Variants in HS3ST4 observed in about 807,000 individuals in gnomAD.
HS3ST4 encodes heparan sulfate-glucosamine 3-sulfotransferase 4, also known as heparan sulfate glucosamine 3-O-sulfotransferase 4.
A neutral mutation model predicts 29.2 loss-of-function variants in HS3ST4; 17 were observed. That is an observed-to-expected ratio of 0.58 (90% CI 0.40 to 0.87). The LOEUF is 0.87. Among genes scored for constraint, HS3ST4 ranks in the 40% least tolerant of loss-of-function variants. The probability of loss-of-function intolerance (pLI) is 0.00; values close to 1 mark genes in which losing one functional copy is unlikely to be tolerated. For synonymous variants in HS3ST4, 314 were observed against 285.7 expected (o/e 1.10, Z -1.00); for missense variants, 627 against 634.5 (o/e 0.99, Z 0.13).
At chr16:26,102,394 C>T (rs1899000448) in intron 1 of HS3ST4, among the ~76,000 whole-genome samples, 1 of 152,176 alleles carries the variant, frequency 6.6e-6, no homozygotes, top group Non-Finnish European at 1.5e-5. Context: ...TCCTTTCAAT[C>T]TTCCCCACTG....
At chr16:25,940,542 A>G (rs1274610923) in intron 1 of HS3ST4, among the ~76,000 whole-genome samples, 1 of 152,242 alleles carries the variant, frequency 6.6e-6, no homozygotes, top group Non-Finnish European at 1.5e-5. Context: ...CGTTCCAGCT[A>G]TGCTGAGAGC....
chr16:25,973,653 A>C (rs1474648395), intron 1 of HS3ST4, among the ~76,000 whole-genome samples: 2 of 152,184 alleles, frequency 1.3e-5, no homozygotes, highest in Admixed American at 6.5e-5. Context: ...CAATTTCCTC[A>C]TCTGAAAACG....
chr16:25,869,618 T>G (rs1317244910), intron 1 of HS3ST4, among the ~76,000 whole-genome samples: 5 of 152,132 alleles, frequency 3.3e-5, no homozygotes, highest in Non-Finnish European at 7.4e-5. Flanking sequence ...AAACCCACCA[T>G]TCAGCCACAG....
intron 1 of HS3ST4, among the ~76,000 whole-genome samples, chr16:25,958,480 A>G (rs1234849905): frequency 6.6e-6 from 1 of 151,954 alleles, no homozygotes; most frequent in Non-Finnish European, 1.5e-5. Flanking sequence ...ACAGGCGTGC[A>G]CCACCACACC....
chr16:26,021,559 G>C (rs1969413988), intron 1 of HS3ST4, among the ~76,000 whole-genome samples: 1 of 152,194 alleles, frequency 6.6e-6, no homozygotes, highest in African/African-American at 2.4e-5. Flanking sequence ...ACAGAGATGT[G>C]AGGCTGTGAG....
intron 1 of HS3ST4, among the ~76,000 whole-genome samples, chr16:25,990,317 T>C (rs555908780): frequency 2.6e-5 from 4 of 152,344 alleles, no homozygotes; most frequent in South Asian, 2.1e-4. Context: ...ATGATGAGCT[T>C]TGTGAGAAAC....
At chr16:25,927,040 C>T (rs1378284093) in intron 1 of HS3ST4, among the ~76,000 whole-genome samples, 2 of 151,122 alleles carry the variant, frequency 1.3e-5, no homozygotes, top group Non-Finnish European at 2.9e-5. Context: ...CCAGCCTGGG[C>T]GACAAGAGCG....
intron 1 of HS3ST4, among the ~76,000 whole-genome samples, chr16:25,834,870 C>T (rs1295394329): frequency 6.6e-6 from 1 of 152,114 alleles, no homozygotes; most frequent in Non-Finnish European, 1.5e-5. Context: ...TCGCTTGAAC[C>T]TGGGAGGCAG....
At chr16:25,916,448 C>T (rs1048658725) in intron 1 of HS3ST4, among the ~76,000 whole-genome samples, 5 of 152,002 alleles carry the variant, frequency 3.3e-5, no homozygotes, top group African/African-American at 4.8e-5. Context: ...CTGCAACCTC[C>T]GCCTTCTGGG....
At chr16:26,135,164 A>G (rs371223915) in intron 1 of HS3ST4, among the ~76,000 whole-genome samples, 30 of 152,214 alleles carry the variant, frequency 2.0e-4, no homozygotes, top group Admixed American at 3.9e-4. Flanking sequence ...AAAAACTACT[A>G]TAACAATAAT....
At chr16:25,869,031 G>A (rs1042705533) in intron 1 of HS3ST4, among the ~76,000 whole-genome samples, 1 of 152,096 alleles carries the variant, frequency 6.6e-6, no homozygotes, top group Non-Finnish European at 1.5e-5. Context: ...CCTACCTTTG[G>A]AATCTTGATT....
At chr16:26,079,899 C>T (rs1432104011) in intron 1 of HS3ST4, among the ~76,000 whole-genome samples, 2 of 152,130 alleles carry the variant, frequency 1.3e-5, no homozygotes, top group African/African-American at 2.4e-5. Context: ...ACTTTCTGAG[C>T]GCAATGGTCA....
chr16:25,811,463 C>T (rs112427606), intron 1 of HS3ST4, among the ~76,000 whole-genome samples: 15 of 107,840 alleles, frequency 1.4e-4, no homozygotes, highest in South Asian at 8.9e-4. Context: ...GATGGAGTTT[C>T]GCTCTTGTTG....
At chr16:25,833,755 A>G (rs912831999) in intron 1 of HS3ST4, among the ~76,000 whole-genome samples, 2 of 152,242 alleles carry the variant, frequency 1.3e-5, no homozygotes, top group African/African-American at 4.8e-5. Flanking sequence ...ATATGCACCA[A>G]GGATTACTGG....
intron 1 of HS3ST4, among the ~76,000 whole-genome samples, chr16:25,923,076 A>C (rs530660748): frequency 6.6e-6 from 1 of 152,296 alleles, no homozygotes; most frequent in Admixed American, 6.5e-5. Flanking sequence ...CCTCTACTAC[A>C]TAAAGTTTAC....
intron 1 of HS3ST4, among the ~76,000 whole-genome samples, chr16:25,859,595 A>G (rs994326180): frequency 2.6e-5 from 4 of 152,200 alleles, no homozygotes; most frequent in African/African-American, 9.6e-5. Flanking sequence ...TGCCCGTAGT[A>G]TTTTGAGCAT....
At chr16:25,725,753 A>G (rs1966530897) in intron 1 of HS3ST4, among the ~76,000 whole-genome samples, 1 of 150,544 alleles carries the variant, frequency 6.6e-6, no homozygotes, top group Admixed American at 6.6e-5. Context: ...TAATTTACAT[A>G]TAATGAATAT....
intron 1 of HS3ST4, among the ~76,000 whole-genome samples, chr16:25,874,557 A>G (rs1347845627): frequency 6.6e-6 from 1 of 152,036 alleles, no homozygotes; most frequent in African/African-American, 2.4e-5. Context: ...CCATCCATCA[A>G]TTTTTCCATC....
chr16:25,934,423 T>C (rs1182201274), intron 1 of HS3ST4, among the ~76,000 whole-genome samples: 2 of 152,124 alleles, frequency 1.3e-5, no homozygotes, highest in Non-Finnish European at 2.9e-5. Context: ...TAATGGACAA[T>C]GAAGGGAGGT....
Sources: gnomAD v4.1 joint callset for allele counts (sites outside exome capture counted in the v4.1 genomes callset) on GRCh38, gnomAD v4.1.1 for gene constraint, MANE v1.5 for transcripts, NCBI Gene and HGNC (gene_info 2026-07-23, HGNC 2026-07-21) for gene names.